DENND6A: variants seen among roughly 807,000 people sequenced by gnomAD.
DENND6A encodes the protein protein DENND6A.
DENND6A carries 43 observed loss-of-function variants against 95.5 expected under a neutral mutation model. That is an observed-to-expected ratio of 0.45 (90% CI 0.35 to 0.58). DENND6A has a LOEUF of 0.58. Among genes scored for constraint, DENND6A ranks in the 20% least tolerant of loss-of-function variants. The probability of loss-of-function intolerance (pLI) is 0.00; values close to 1 mark genes in which losing one functional copy is unlikely to be tolerated. For missense variants in DENND6A, 574 were observed against 736.0 expected (o/e 0.78, Z 2.55); for synonymous variants, 257 against 260.4 (o/e 0.99, Z 0.13).
intron 12 of DENND6A, among the ~76,000 whole-genome samples, chr3:57,635,280 G>C (rs1033976546): frequency 1.3e-5 from 2 of 152,102 alleles, no homozygotes; most frequent in Non-Finnish European, 2.9e-5. Flanking sequence ...TACACTGCCA[G>C]CAAGTGGTGA....
chr3:57,667,808 G>A (rs376377716), intron 3 of DENND6A, among the ~76,000 whole-genome samples: 13 of 152,298 alleles, frequency 8.5e-5, no homozygotes, highest in East Asian at 1.9e-4. Flanking sequence ...GCTCACGCCC[G>A]TAATCCCAGC....
At chr3:57,631,695 C>G (rs954102927) in intron 15 of DENND6A, among the ~76,000 whole-genome samples, 2 of 146,852 alleles carry the variant, frequency 1.4e-5, no homozygotes, top group South Asian at 2.2e-4. Context: ...ATGAGGTCTA[C>G]TTGACTTTGG....
At chr3:57,644,739 G>A (rs1313032197) in intron 11 of DENND6A, among the ~76,000 whole-genome samples, 1 of 8,762 alleles carries the variant, frequency 1.1e-4, no homozygotes, top group Non-Finnish European at 2.1e-4. Context: ...GGGAAGGGAG[G>A]GGAGGGGTGG....
intron 5 of DENND6A, among the ~76,000 whole-genome samples, chr3:57,663,151 CAA>C (rs754194795): frequency 0.019 from 759 of 40,078 alleles, 8 homozygotes; most frequent in African/African-American, 0.062. Flanking sequence ...AACTCCATAT[CAA>C]AAAAAAAAAA....
intron 18 of DENND6A, 120 bp downstream of exon 18, chr3:57,630,296 TAGAAA>T (rs2070637531): frequency 2.5e-6 from 2 of 788,826 alleles, no homozygotes; most frequent in Non-Finnish European, 3.8e-6. Flanking sequence ...GCACATGATC[TAGAAA>T]AGTTAGTCAT....
intron 1 of DENND6A, among the ~76,000 whole-genome samples, chr3:57,674,773 C>G (rs2071681714): frequency 6.6e-6 from 1 of 152,168 alleles, no homozygotes. Context: ...ATATATACCA[C>G]GAAATACTAT....
At chr3:57,653,243 T>A (rs2071247160) in intron 9 of DENND6A, among the ~76,000 whole-genome samples, 1 of 152,164 alleles carries the variant, frequency 6.6e-6, no homozygotes, top group Non-Finnish European at 1.5e-5. Context: ...TGGGATTCCT[T>A]TAAGGCACCA....
chr3:57,634,736 AG>A lies in DENND6A; in HGVS notation c.1165del (p.Leu389Ter). 1 of 1,572,470 alleles carries A rather than the reference AG, an allele frequency of 6.4e-7. No homozygotes were observed. Among genetic ancestry groups the A allele is most frequent in the Non-Finnish European group, 8.6e-7 (1 of 1,159,606 alleles). Reference protein sequence around the residue: ...EIPKQVKVKKLKNLKTLDSKP... With the variant: ...EIPKQVKVKKXKNLKTLDSKP... ...GGAATCCAGAGTCTTTAGATTCTTC[AG>A]TTTTTTCACTTTAACCTGCTTAGGA... On this transcript the variant is annotated frameshift_variant, in exon 13 of 20. Transcript: ENST00000311128. LOFTEE classifies it high-confidence loss of function.
chr3:57,685,092 T>C (rs2077200656), intron 1 of DENND6A, among the ~76,000 whole-genome samples: 1 of 151,878 alleles, frequency 6.6e-6, no homozygotes, highest in African/African-American at 2.4e-5. Flanking sequence ...TTTTTTTTTT[T>C]TTTGTATTTT....
At chr3:57,687,384 T>G (rs2077220414) in intron 1 of DENND6A, among the ~76,000 whole-genome samples, 1 of 152,124 alleles carries the variant, frequency 6.6e-6, no homozygotes, top group Non-Finnish European at 1.5e-5. Flanking sequence ...AGAAGAAAAG[T>G]TGGAAGCTAG....
intron 1 of DENND6A, among the ~76,000 whole-genome samples, chr3:57,689,332 GAATA>G (rs749888671): frequency 1.2e-4 from 18 of 151,384 alleles, no homozygotes; most frequent in Non-Finnish European, 2.4e-4. Flanking sequence ...AAAAAAACTT[GAATA>G]AATAAGGTAA....
chr3:57,644,625 T>C (rs1405704386), intron 11 of DENND6A, among the ~76,000 whole-genome samples: 2 of 140,478 alleles, frequency 1.4e-5, no homozygotes, highest in Non-Finnish European at 3.1e-5. Flanking sequence ...AAAATATTTT[T>C]AAGGTTAAAA....
chr3:57,637,843 T>G (rs2070831613), intron 12 of DENND6A, among the ~76,000 whole-genome samples: 1 of 149,824 alleles, frequency 6.7e-6, no homozygotes, highest in African/African-American at 2.5e-5. Flanking sequence ...AATTATAAAC[T>G]CCTGTGCACA....
intron 4 of DENND6A, among the ~76,000 whole-genome samples, chr3:57,664,517 T>C (rs1333181325): frequency 6.6e-6 from 1 of 152,096 alleles, no homozygotes; most frequent in Admixed American, 6.6e-5. Flanking sequence ...CTCAAGGATA[T>C]CATGATTTAG....
At chr3:57,638,731 G>C (rs934425204) in intron 12 of DENND6A, among the ~76,000 whole-genome samples, 6 of 151,906 alleles carry the variant, frequency 3.9e-5, no homozygotes, top group Admixed American at 1.3e-4. Context: ...CAATATCACC[G>C]ATCATGAGGG....
intron 1 of DENND6A, among the ~76,000 whole-genome samples, chr3:57,691,142 T>C (rs1352515903): frequency 2.0e-5 from 3 of 152,236 alleles, no homozygotes; most frequent in African/African-American, 4.8e-5. Context: ...GAATCTCCTT[T>C]AGCTATTTAA....
chr3:57,677,582 T>C (rs940005888), intron 1 of DENND6A, among the ~76,000 whole-genome samples: 3 of 151,872 alleles, frequency 2.0e-5, no homozygotes, highest in Non-Finnish European at 4.4e-5. Flanking sequence ...ACTACAGACA[T>C]GCACCACCAC....
intron 12 of DENND6A, 81 bp downstream of exon 12, chr3:57,641,572 A>G: frequency 1.6e-6 from 2 of 1,258,444 alleles, no homozygotes; most frequent in East Asian, 2.5e-5. Context: ...CATCAACATA[A>G]AAAATAATCA....
At chr3:57,690,490 C>T (rs1274038077) in intron 1 of DENND6A, among the ~76,000 whole-genome samples, 1 of 151,816 alleles carries the variant, frequency 6.6e-6, no homozygotes, top group African/African-American at 2.4e-5. Context: ...CACTGCACTC[C>T]AGCCTGGGCA....
Sources: allele counts gnomAD v4.1 joint callset (sites outside exome capture counted in the v4.1 genomes callset), GRCh38; gene constraint gnomAD v4.1.1; transcripts MANE v1.5; gene names NCBI Gene and HGNC (gene_info 2026-07-23, HGNC 2026-07-21).